Variants in PTPRM observed in about 807,000 individuals in gnomAD.
PTPRM encodes protein tyrosine phosphatase receptor type M, also known as receptor-type tyrosine-protein phosphatase mu.
A neutral mutation model predicts 186.7 loss-of-function variants in PTPRM; 47 were observed. The ratio of observed to expected loss-of-function variants is 0.25; its 90% CI spans 0.20 to 0.32. PTPRM has a LOEUF of 0.32. Among genes scored for constraint, PTPRM ranks in the 10% least tolerant of loss-of-function variants. The pLI is 1.00. For missense variants in PTPRM, 1,494 were observed against 1,865.0 expected, an observed-to-expected ratio of 0.80 and a Z score of 3.66; for synonymous variants, 668 against 674.9, an observed-to-expected ratio of 0.99 and a Z score of 0.16.
intron 7 of PTPRM, among the ~76,000 whole-genome samples, chr18:8,009,071 T>G (rs2084361690): frequency 6.6e-6 from 1 of 152,128 alleles, no homozygotes; most frequent in Admixed American, 6.6e-5. Flanking sequence ...TAAGCTGAGT[T>G]TCGAAGGGCA....
intron 1 of PTPRM, among the ~76,000 whole-genome samples, chr18:7,600,187 C>T (rs762574679): frequency 5.9e-5 from 9 of 152,174 alleles, no homozygotes; most frequent in Non-Finnish European, 1.2e-4. Flanking sequence ...TGAGATGCCT[C>T]ATGTGTAGAG....
intron 2 of PTPRM, among the ~76,000 whole-genome samples, chr18:7,826,785 A>AT (rs1319362194): frequency 1.4e-4 from 21 of 152,258 alleles, no homozygotes; most frequent in Middle Eastern, 3.4e-3. Flanking sequence ...ATAAGCTTCC[A>AT]TTTTTTTAAA....
chr18:7,625,123 A>T (rs1567990176), intron 1 of PTPRM, among the ~76,000 whole-genome samples: 2 of 152,240 alleles, frequency 1.3e-5, no homozygotes, highest in South Asian at 4.1e-4. Context: ...GGAGAGTAAT[A>T]AGATAAAATC....
chr18:8,108,553 G>A lies in PTPRM; in HGVS notation c.1857-4933G>A, dbSNP rs147476791. Reference sequence around the variant, plus strand: ...TATGAGGCTTCCTCTCCAGGAACTCGAAAGTTAGGAAAAAACTAAAAACAT... The same window carrying A: ...TATGAGGCTTCCTCTCCAGGAACTCAAAAGTTAGGAAAAAACTAAAAACAT... On this transcript the variant is annotated intron_variant, in intron 11 of 32. Coordinates refer to ENST00000580170, the MANE Select transcript of PTPRM (RefSeq NM_001105244.2). Among the ~76,000 whole-genome samples, 183 of 152,264 alleles carry A rather than the reference G, an allele frequency of 1.2e-3. 2 individuals are homozygous for A. In the East Asian group the frequency reaches 0.014, roughly 11 times the overall value.
chr18:7,831,726 G>C (rs1753613171), intron 2 of PTPRM, among the ~76,000 whole-genome samples: 1 of 151,620 alleles, frequency 6.6e-6, no homozygotes. Context: ...CTGTTTTTTT[G>C]GTATCCATTA....
chr18:8,252,416 C>T (rs1395312230), intron 17 of PTPRM, 72 bp from the exon 18 acceptor site: 22 of 1,182,278 alleles, frequency 1.9e-5, no homozygotes, highest in East Asian at 1.4e-4. Context: ...TAATTATGCA[C>T]GCAGTACTAT....
intron 1 of PTPRM, among the ~76,000 whole-genome samples, chr18:7,685,412 C>T (rs370311859): frequency 5.3e-5 from 8 of 152,054 alleles, no homozygotes; most frequent in African/African-American, 9.7e-5. Flanking sequence ...TGATAGTAAA[C>T]GTATTAGAAA....
chr18:8,280,351 C>T lies in PTPRM; in HGVS notation c.2755-16017C>T, dbSNP rs115194889. ...AAGGCCCCATCTCCAAATACAGTCA[C>T]ATTCTGAGGTACGGGAGCTTAGGAC... is the stretch of plus-strand genomic sequence containing the variant. On this transcript the variant is annotated intron_variant, in intron 19 of 32. Transcript: ENST00000580170. Among the ~76,000 whole-genome samples the T allele has an allele frequency of 5.2e-3, 753 of 145,966 alleles. 8 individuals are homozygous for T. Among genetic ancestry groups the T allele is most frequent in the African/African-American group, 0.018 (721 of 39,534 alleles).
At chr18:8,291,575 A>G (rs2095043490) in intron 19 of PTPRM, among the ~76,000 whole-genome samples, 1 of 152,184 alleles carries the variant, frequency 6.6e-6, no homozygotes, top group East Asian at 1.9e-4. Context: ...TGTAATTTTA[A>G]AAGAACATGT....
chr18:8,068,953 C>CACA (rs1189903034), intron 7 of PTPRM, among the ~76,000 whole-genome samples: 1 of 151,180 alleles, frequency 6.6e-6, no homozygotes, highest in Non-Finnish European at 1.5e-5. Flanking sequence ...CACACACACA[C>CACA]AAAAAAATTA....
intron 23 of PTPRM, among the ~76,000 whole-genome samples, chr18:8,345,511 CAG>C (rs960670357): frequency 1.1e-4 from 17 of 151,884 alleles, no homozygotes; most frequent in Admixed American, 1.0e-3. Flanking sequence ...CAAAAAGAAA[CAG>C]AAATTCTGAG....
chr18:7,956,567 A>G (rs748290848), intron 7 of PTPRM, among the ~76,000 whole-genome samples: 1 of 152,138 alleles, frequency 6.6e-6, no homozygotes, highest in Non-Finnish European at 1.5e-5. Flanking sequence ...TACATCTTTC[A>G]TCTGTTTCTC....
chr18:7,819,135 G>A (rs2045022689), intron 2 of PTPRM, among the ~76,000 whole-genome samples: 1 of 152,192 alleles, frequency 6.6e-6, no homozygotes, highest in Non-Finnish European at 1.5e-5. Flanking sequence ...TGGAAGAGGG[G>A]CAGGGGAGTC....
intron 1 of PTPRM, among the ~76,000 whole-genome samples, chr18:7,653,714 T>C (rs774298796): frequency 6.6e-6 from 1 of 152,206 alleles, no homozygotes; most frequent in African/African-American, 2.4e-5. Context: ...ATCCTATCTG[T>C]CATTGATGGG....
chr18:8,391,536 CA>C (rs1340840801), intron 31 of PTPRM, among the ~76,000 whole-genome samples: 1 of 152,128 alleles, frequency 6.6e-6, no homozygotes, highest in Non-Finnish European at 1.5e-5. Context: ...GAAAAACAGG[CA>C]AAAACAATTG....
chr18:8,225,891 A>C (rs185305243), intron 14 of PTPRM, among the ~76,000 whole-genome samples: 219 of 152,360 alleles, frequency 1.4e-3, no homozygotes, highest in Admixed American at 2.2e-3. Flanking sequence ...TAATACTTAT[A>C]TGTCAAAGTA....
chr18:8,009,731 A>T (rs549718402), intron 7 of PTPRM, among the ~76,000 whole-genome samples: 112 of 152,266 alleles, frequency 7.4e-4, no homozygotes, highest in African/African-American at 2.6e-3. Context: ...AATAAAAAAT[A>T]AAAAAATCAC....
intron 14 of PTPRM, among the ~76,000 whole-genome samples, chr18:8,164,041 A>T (rs2093277491): frequency 1.3e-5 from 2 of 152,252 alleles, no homozygotes; most frequent in Non-Finnish European, 2.9e-5. Flanking sequence ...AAGCCAGGGT[A>T]AATGAAATAG....
chr18:8,284,443 G>A (rs74540808), intron 19 of PTPRM, among the ~76,000 whole-genome samples: 12,642 of 152,168 alleles, frequency 0.083, 595 homozygotes, highest in Non-Finnish European at 0.11. Context: ...TAAACTAATT[G>A]TTATCCTTTC....
Sources: allele counts gnomAD v4.1 joint callset (sites outside exome capture counted in the v4.1 genomes callset), GRCh38; gene constraint gnomAD v4.1.1; transcripts MANE v1.5; gene names NCBI Gene and HGNC (gene_info 2026-07-23, HGNC 2026-07-21).